SH3BGRL: variants seen among roughly 807,000 people sequenced by gnomAD.
The protein encoded by SH3BGRL is SH3 domain binding glutamate rich protein like.
SH3BGRL carries 7 observed loss-of-function variants against 9.8 expected under a neutral mutation model. That is an observed-to-expected ratio of 0.72 (90% CI 0.41 to 1.35). The LOEUF (loss-of-function observed/expected upper bound fraction) is 1.35. Among genes scored for constraint, SH3BGRL ranks in the 40% most tolerant of loss-of-function variants. The pLI, the probability that SH3BGRL is intolerant of heterozygous loss-of-function variation, is 0.01. For missense variants in SH3BGRL, 73 were observed against 84.4 expected (o/e 0.86, Z 0.53); for synonymous variants, 36 against 29.1 (o/e 1.24, Z -0.76).
In SH3BGRL at chrX:81,269,162, C is replaced by T. The variant is rs749244577; in HGVS notation, c.46-7822C>T. 1.8e-3 allele frequency among the ~76,000 whole-genome samples: 196 copies of T among 111,669 alleles called. 1 individual carries two copies. The Middle Eastern group carries it at 0.019, about 11-fold the overall frequency. ...TACAGCACACCGATGGGTCTTGATT[C>T]TTTATCCAATTTGCCAGTCTGTGTC... On this transcript the variant is annotated intron_variant, in intron 1 of 3. Coordinates refer to ENST00000373212, the MANE Select transcript of SH3BGRL (RefSeq NM_003022.3).
At chrX:81,223,023 T>A (rs1207911141) in intron 1 of SH3BGRL, among the ~76,000 whole-genome samples, 1 of 112,045 alleles carries the variant, frequency 8.9e-6, no homozygotes, top group African/African-American at 3.2e-5. Flanking sequence ...TGGGGTTGTT[T>A]GTTTTTTTTC....
At chrX:81,285,056 G>T (rs991074976) in intron 3 of SH3BGRL, among the ~76,000 whole-genome samples, 2 of 111,011 alleles carry the variant, frequency 1.8e-5, no homozygotes, top group East Asian at 5.7e-4. Context: ...GTGATAGGGA[G>T]ATTTTGAATT....
chrX:81,247,010 A>C (rs1464052523), intron 1 of SH3BGRL, among the ~76,000 whole-genome samples: 1 of 111,846 alleles, frequency 8.9e-6, no homozygotes, highest in African/African-American at 3.2e-5. Flanking sequence ...AGTTTTTGTT[A>C]TAGAGATCTT....
At chrX:81,206,459 A>G (rs1602590604) in intron 1 of SH3BGRL, among the ~76,000 whole-genome samples, 3 of 111,934 alleles carry the variant, frequency 2.7e-5, no homozygotes. Flanking sequence ...AAGAGTAAAT[A>G]ACTTTCTCAA....
chrX:81,249,791 T>C (rs1453478921), intron 1 of SH3BGRL, among the ~76,000 whole-genome samples: 1 of 111,650 alleles, frequency 9.0e-6, no homozygotes, highest in African/African-American at 3.3e-5. Context: ...AAAGTAACTA[T>C]GCAAGTAGTT....
intron 3 of SH3BGRL, 23 bp from the exon 4 acceptor site, chrX:81,297,172 G>A: frequency 8.3e-7 from 1 of 1,198,697 alleles, no homozygotes; most frequent in Non-Finnish European, 1.1e-6. Context: ...AAACTTATCT[G>A]TTTTGTTTGT....
At chrX:81,223,911 C>T (rs1298473437) in intron 1 of SH3BGRL, among the ~76,000 whole-genome samples, 4 of 110,876 alleles carry the variant, frequency 3.6e-5, no homozygotes, top group Non-Finnish European at 7.5e-5. Context: ...GTCTTGAATT[C>T]CTGGCCTCAA....
At chrX:81,281,624 G>A (rs182650828) in intron 3 of SH3BGRL, among the ~76,000 whole-genome samples, 2 of 112,136 alleles carry the variant, frequency 1.8e-5, no homozygotes, top group Non-Finnish European at 1.9e-5. Flanking sequence ...AATGCTGAGA[G>A]AATTCGCCAT....
At chrX:81,256,332 G>GAA (rs2075725347) in intron 1 of SH3BGRL, among the ~76,000 whole-genome samples, 1 of 112,035 alleles carries the variant, frequency 8.9e-6, no homozygotes, top group Non-Finnish European at 1.9e-5. Flanking sequence ...GATGTTCTTT[G>GAA]ATGGGAATTG....
chrX:81,222,746 A>T (rs2075604040), intron 1 of SH3BGRL, among the ~76,000 whole-genome samples: 1 of 111,650 alleles, frequency 9.0e-6, no homozygotes, highest in Non-Finnish European at 1.9e-5. Flanking sequence ...AGGAATCGCC[A>T]CACTGACTTC....
chrX:81,214,069 G>A (rs889646727), intron 1 of SH3BGRL, among the ~76,000 whole-genome samples: 1 of 112,375 alleles, frequency 8.9e-6, no homozygotes, highest in East Asian at 2.8e-4. Context: ...AAAGAAACAG[G>A]AACAGCAGGA....
At chrX:81,258,292 C>T (rs781694298) in intron 1 of SH3BGRL, among the ~76,000 whole-genome samples, 1 of 111,787 alleles carries the variant, frequency 8.9e-6, no homozygotes, top group African/African-American at 3.2e-5. Flanking sequence ...AGGCAACTTT[C>T]AATCTTCCAC....
At chrX:81,280,285 T>C (rs1489449298) in intron 3 of SH3BGRL, among the ~76,000 whole-genome samples, 1 of 111,087 alleles carries the variant, frequency 9.0e-6, no homozygotes, top group Admixed American at 9.6e-5. Context: ...TTGGAAGTTC[T>C]AGGGCCCTGC....
At chrX:81,233,599 G>A (rs903120953) in intron 1 of SH3BGRL, among the ~76,000 whole-genome samples, 6 of 110,799 alleles carry the variant, frequency 5.4e-5, no homozygotes, top group African/African-American at 2.0e-4. Context: ...TAGGAGAAAA[G>A]GAGTAAATAA....
rs757874337 is a variant in SH3BGRL, at chrX:81,273,356, C to T, written c.46-3628C>T. Among the ~76,000 whole-genome samples the T allele has an allele frequency of 1.2e-4, 13 of 112,391 alleles. No individual in the cohort carries two copies. The South Asian group carries it at 2.6e-3, about 22-fold the overall frequency. On this transcript the variant is annotated intron_variant, in intron 1 of 3. Coordinates refer to ENST00000373212, the MANE Select transcript of SH3BGRL (RefSeq NM_003022.3). ...GTTGTCTTAGCTTCTTATTTAAATA[C>T]GCTATTGTAATTGAACTTTTAAATA...
At chrX:81,295,547 A>T (rs1373893387) in intron 3 of SH3BGRL, among the ~76,000 whole-genome samples, 1 of 111,072 alleles carries the variant, frequency 9.0e-6, no homozygotes, top group African/African-American at 3.3e-5. Flanking sequence ...GTATGTCTTT[A>T]TGAGCAGCAT....
At chrX:81,295,787 A>G (rs1206904809) in intron 3 of SH3BGRL, among the ~76,000 whole-genome samples, 2 of 111,458 alleles carry the variant, frequency 1.8e-5, no homozygotes, top group Admixed American at 9.5e-5. Context: ...CTCAGTATGG[A>G]CCTTATTGTC....
At chrX:81,202,307 G>C in intron 1 of SH3BGRL, 62 bp downstream of exon 1, 1 of 1,090,550 alleles carries the variant, frequency 9.2e-7, no homozygotes, top group Non-Finnish European at 1.2e-6. Context: ...TGCTGCCCCA[G>C]AACCATTAAA....
chrX:81,283,850 A>G (rs1280818795), intron 3 of SH3BGRL, among the ~76,000 whole-genome samples: 2 of 111,425 alleles, frequency 1.8e-5, no homozygotes, highest in Non-Finnish European at 3.8e-5. Context: ...AATAAAGGGC[A>G]TCCAAATTGG....
Sources: allele counts gnomAD v4.1 joint callset (sites outside exome capture counted in the v4.1 genomes callset), GRCh38; gene constraint gnomAD v4.1.1; transcripts MANE v1.5; gene names NCBI Gene and HGNC (gene_info 2026-07-23, HGNC 2026-07-21).